STXBP5L: variants seen among roughly 807,000 people sequenced by gnomAD.
The protein encoded by STXBP5L is syntaxin-binding protein 5-like.
Under a neutral mutation model 144.5 loss-of-function variants are expected in STXBP5L, and 65 were observed. The observed-to-expected ratio is 0.45, with a 90% confidence interval of 0.37 to 0.55. The LOEUF is 0.55. Ranked by LOEUF, STXBP5L falls within the 20% of genes least tolerant of loss-of-function variation. The pLI is 0.00. For missense variants in STXBP5L, 1,298 were observed against 1,405.5 expected (o/e 0.92, Z 1.22); for synonymous variants, 505 against 469.6 (o/e 1.08, Z -0.97).
chr3:121,141,581 G>A (rs1248701438), intron 7 of STXBP5L, among the ~76,000 whole-genome samples: 1 of 152,102 alleles, frequency 6.6e-6, no homozygotes, highest in Non-Finnish European at 1.5e-5. Flanking sequence ...TGAAAATTAT[G>A]TTAGAAGATA....
At chr3:121,096,719 T>C (rs1278856659) in intron 5 of STXBP5L, among the ~76,000 whole-genome samples, 1 of 152,156 alleles carries the variant, frequency 6.6e-6, no homozygotes, top group Non-Finnish European at 1.5e-5. Flanking sequence ...CTCTGGAATC[T>C]TTGTCCCAGA....
intron 20 of STXBP5L, among the ~76,000 whole-genome samples, chr3:121,343,018 G>C (rs1450403824): frequency 6.6e-6 from 1 of 151,646 alleles, no homozygotes; most frequent in Non-Finnish European, 1.5e-5. Context: ...GCTGTTTCCT[G>C]ACTTTTTAAT....
intron 3 of STXBP5L, among the ~76,000 whole-genome samples, chr3:121,023,212 G>A (rs1234411955): frequency 1.3e-5 from 2 of 151,936 alleles, no homozygotes; most frequent in African/African-American, 4.8e-5. Context: ...CCTGTACAAG[G>A]AAAACTACAA....
chr3:120,925,936 G>GA (rs957935961), intron 2 of STXBP5L, among the ~76,000 whole-genome samples: 16 of 152,200 alleles, frequency 1.1e-4, no homozygotes, highest in African/African-American at 3.1e-4. Flanking sequence ...AGAAGAGTGG[G>GA]AAAAAATCTC....
intron 5 of STXBP5L, among the ~76,000 whole-genome samples, chr3:121,058,223 G>A (rs1948590855): frequency 6.6e-6 from 1 of 152,164 alleles, no homozygotes; most frequent in African/African-American, 2.4e-5. Flanking sequence ...AGAATATGCG[G>A]TGTTTGGTTT....
At chr3:120,982,955 C>T (rs1941934177) in intron 3 of STXBP5L, among the ~76,000 whole-genome samples, 1 of 152,258 alleles carries the variant, frequency 6.6e-6, no homozygotes, top group East Asian at 1.9e-4. Context: ...GGTCCCCAGT[C>T]CTGCAGCAGA....
At position 120,908,213 on chromosome 3, in the gene STXBP5L, G is replaced by T. The variant is rs1245148677; in HGVS notation, c.-130G>T. On this transcript the variant is annotated 5_prime_UTR_variant, in exon 1 of 27. Transcript: ENST00000471454. ...AGCCTGCTCTGGAGCCTGACTGCTC[G>T]GTTAGGACCTCGGAGAGCGCCAGGC... The T allele has an allele frequency of 2.0e-5, 3 of 152,272 alleles. No homozygotes were observed. The highest frequency in any genetic ancestry group is 6.5e-5 in the Admixed American group (1 of 15,304). 9.4% of individuals were successfully genotyped at this position (152,272 alleles called of 1,614,324 possible). A position where few individuals can be genotyped will look rare whatever the true frequency, so the allele number is the denominator to read the frequency against.
intron 5 of STXBP5L, among the ~76,000 whole-genome samples, chr3:121,065,375 A>T (rs558405364): frequency 1.7e-4 from 26 of 152,100 alleles, no homozygotes; most frequent in Non-Finnish European, 3.1e-4. Flanking sequence ...ATATATATTC[A>T]TACATATTTA....
chr3:121,301,174 C>G (rs1447770965), intron 19 of STXBP5L, among the ~76,000 whole-genome samples: 1 of 152,164 alleles, frequency 6.6e-6, no homozygotes, highest in Admixed American at 6.5e-5. Context: ...TCTTCCTACC[C>G]ATGAGCATGG....
chr3:120,998,056 CA>C (rs1943489948), intron 3 of STXBP5L, among the ~76,000 whole-genome samples: 1 of 152,162 alleles, frequency 6.6e-6, no homozygotes, highest in Non-Finnish European at 1.5e-5. Context: ...AAACCCTCAA[CA>C]AACAAAGCAT....
chr3:121,189,167 AAGTTTCCTAT>A (rs1194391514), intron 9 of STXBP5L, among the ~76,000 whole-genome samples: 3 of 152,136 alleles, frequency 2.0e-5, no homozygotes, highest in Non-Finnish European at 4.4e-5. Flanking sequence ...CCCATTCTTT[AAGTTTCCTAT>A]TCACTGTGAT....
chr3:121,174,866 G>T (rs896769962), intron 9 of STXBP5L, among the ~76,000 whole-genome samples: 42 of 152,178 alleles, frequency 2.8e-4, no homozygotes, highest in African/African-American at 9.6e-4. Flanking sequence ...ACAAAAGCCT[G>T]TAGAGGAAGA....
intron 18 of STXBP5L, among the ~76,000 whole-genome samples, chr3:121,260,822 G>A (rs1257036940): frequency 6.6e-6 from 1 of 152,086 alleles, no homozygotes. Flanking sequence ...TTATCTTTGA[G>A]TACCTGGAAT....
intron 11 of STXBP5L, among the ~76,000 whole-genome samples, chr3:121,227,605 A>G (rs1191140184): frequency 1.3e-5 from 2 of 152,072 alleles, no homozygotes; most frequent in African/African-American, 2.4e-5. Flanking sequence ...CTTTATTTTG[A>G]TTAGCAATTT....
chr3:121,252,043 C>A (rs1331193451), intron 15 of STXBP5L, among the ~76,000 whole-genome samples: 1 of 152,080 alleles, frequency 6.6e-6, no homozygotes, highest in African/African-American at 2.4e-5. Context: ...TTTCCCACCA[C>A]CTCAAAGTCA....
Position 120,914,171 on chromosome 3 carries a change from A to G in STXBP5L, c.189+4404A>G, listed in dbSNP as rs535550672. On this transcript the variant is annotated intron_variant, in intron 2 of 26. Transcript: ENST00000471454. ...TTTGGGGGAACAACTCAGAAGTTCT[A>G]GATTGACAGTGACAAACACACAGGG... Among the ~76,000 whole-genome samples, 5 of 152,178 alleles carry G rather than the reference A, an allele frequency of 3.3e-5. No homozygotes were observed. The East Asian group carries it at 5.8e-4, about 18-fold the overall frequency.
At chr3:121,254,675 T>C (rs192129380) in intron 15 of STXBP5L, among the ~76,000 whole-genome samples, 27 of 152,320 alleles carry the variant, frequency 1.8e-4, no homozygotes, top group African/African-American at 6.3e-4. Context: ...CCTTGGTATG[T>C]AGTATATATT....
At chr3:121,390,745 A>G (rs1370917227) in intron 22 of STXBP5L, among the ~76,000 whole-genome samples, 1 of 152,166 alleles carries the variant, frequency 6.6e-6, no homozygotes, top group Non-Finnish European at 1.5e-5. Context: ...GTTTCTGCCA[A>G]GAGATCTGCT....
chr3:121,212,428 A>G (rs2048612533), intron 10 of STXBP5L, among the ~76,000 whole-genome samples: 1 of 152,162 alleles, frequency 6.6e-6, no homozygotes, highest in Admixed American at 6.5e-5. Flanking sequence ...AGTTTTTTGC[A>G]TATGGCTAAC....
Sources: gnomAD v4.1 joint callset for allele counts (sites outside exome capture counted in the v4.1 genomes callset) on GRCh38, gnomAD v4.1.1 for gene constraint, MANE v1.5 for transcripts, NCBI Gene and HGNC (gene_info 2026-07-23, HGNC 2026-07-21) for gene names.